Variants in CTNNA3 observed in about 807,000 individuals in gnomAD.
CTNNA3 encodes catenin alpha 3.
CTNNA3 carries 76 observed loss-of-function variants against 95.7 expected under a neutral mutation model. The ratio of observed to expected loss-of-function variants is 0.79; its 90% CI spans 0.66 to 0.96. CTNNA3 has a LOEUF of 0.96. Among genes scored for constraint, CTNNA3 ranks in the 40% least tolerant of loss-of-function variants. CTNNA3 has a pLI of 0.00. For missense variants in CTNNA3, 1,191 were observed against 1,089.8 expected, an observed-to-expected ratio of 1.09 and a Z score of -1.31; for synonymous variants, 431 against 374.4, an observed-to-expected ratio of 1.15 and a Z score of -1.74.
rs183290657 is a variant in CTNNA3, at chr10:66,559,986, A to G, written c.1375-39213T>C. On this transcript the variant is annotated intron_variant, in intron 10 of 17. Coordinates refer to ENST00000433211, the MANE Select transcript of CTNNA3 (RefSeq NM_013266.4). ...TGCTTAATCTGACGCTCAACACACA[A>G]TAGGCACGAAATAAAGACAAGTGGG... Among the ~76,000 whole-genome samples the G allele has an allele frequency of 1.2e-4, 18 of 152,210 alleles. 1 individual carries two copies. Among genetic ancestry groups the G allele is most frequent in the Admixed American group, 6.5e-5 (1 of 15,274 alleles).
chr10:67,437,475 C>T lies in CTNNA3; in HGVS notation c.579+84367G>A, dbSNP rs150197521. The stretch of plus-strand genomic sequence containing the variant: ...TGTACCCCAATAAATTTAATAAATA[C>T]CCCAATAAATTTAATAAATACCCCA... On this transcript the variant is annotated intron_variant, in intron 5 of 17. Transcript: ENST00000433211. Among the ~76,000 whole-genome samples, 583 of 151,616 alleles carry T rather than the reference C, an allele frequency of 3.8e-3. 5 individuals carry two copies. The highest frequency in any genetic ancestry group is 0.013 in the African/African-American group (542 of 41,304).
At chr10:66,437,678 C>T (rs1373113978) in intron 11 of CTNNA3, among the ~76,000 whole-genome samples, 1 of 152,064 alleles carries the variant, frequency 6.6e-6, no homozygotes. Context: ...TTTGTTATTA[C>T]CCACCTTCCG....
At chr10:67,185,284 C>T (rs541095394) in intron 6 of CTNNA3, among the ~76,000 whole-genome samples, 1 of 152,078 alleles carries the variant, frequency 6.6e-6, no homozygotes, top group East Asian at 1.9e-4. Flanking sequence ...CACGTCACCA[C>T]ATCCAGCTAA....
intron 5 of CTNNA3, among the ~76,000 whole-genome samples, chr10:67,453,777 A>G (rs2132970499): frequency 6.6e-6 from 1 of 152,346 alleles, no homozygotes; most frequent in East Asian, 1.9e-4. Context: ...CTGTCAAAAC[A>G]AAATTGTAAA....
At chr10:67,305,212 C>G (rs1272035256) in intron 5 of CTNNA3, among the ~76,000 whole-genome samples, 1 of 151,952 alleles carries the variant, frequency 6.6e-6, no homozygotes, top group Non-Finnish European at 1.5e-5. Flanking sequence ...GGAGGTGGAG[C>G]TTGCAGTGAG....
At chr10:67,015,910 C>A (rs992837384) in intron 7 of CTNNA3, among the ~76,000 whole-genome samples, 1 of 151,840 alleles carries the variant, frequency 6.6e-6, no homozygotes, top group South Asian at 2.1e-4. Flanking sequence ...TGTTTTCAAT[C>A]AAGTTTATTC....
intron 15 of CTNNA3, among the ~76,000 whole-genome samples, chr10:65,990,718 G>A (rs1014474561): frequency 6.6e-6 from 1 of 150,454 alleles, no homozygotes; most frequent in African/African-American, 2.4e-5. Flanking sequence ...TATTTAACAG[G>A]CTCTTTACTC....
intron 9 of CTNNA3, among the ~76,000 whole-genome samples, chr10:66,691,482 A>G (rs1847535496): frequency 1.3e-5 from 2 of 152,208 alleles, no homozygotes; most frequent in Non-Finnish European, 2.9e-5. Flanking sequence ...GGAGCCCACC[A>G]CAGCTCAAGG....
chr10:67,237,848 G>T (rs999970446), intron 5 of CTNNA3, among the ~76,000 whole-genome samples: 4 of 152,190 alleles, frequency 2.6e-5, no homozygotes, highest in Non-Finnish European at 5.9e-5. Context: ...GAGTGGATTG[G>T]AGAGAATGAA....
chr10:65,949,250 A>G (rs2077572035), intron 17 of CTNNA3, among the ~76,000 whole-genome samples: 1 of 152,210 alleles, frequency 6.6e-6, no homozygotes, highest in Non-Finnish European at 1.5e-5. Flanking sequence ...ATAAAGCCCA[A>G]ATTCACATTT....
At chr10:67,670,047 G>A (rs981046848) in intron 1 of CTNNA3, among the ~76,000 whole-genome samples, 1 of 152,144 alleles carries the variant, frequency 6.6e-6, no homozygotes, top group Non-Finnish European at 1.5e-5. Context: ...GGTATAGAAT[G>A]GTTAAAGATA....
At chr10:66,587,197 C>T (rs1481902374) in intron 10 of CTNNA3, among the ~76,000 whole-genome samples, 2 of 152,162 alleles carry the variant, frequency 1.3e-5, no homozygotes, top group African/African-American at 2.4e-5. Flanking sequence ...AGACTCAAGA[C>T]GTCCTATTTA....
chr10:67,606,066 T>C (rs1198197488), intron 3 of CTNNA3, among the ~76,000 whole-genome samples: 3 of 152,252 alleles, frequency 2.0e-5, no homozygotes, highest in Non-Finnish European at 2.9e-5. Flanking sequence ...AAAGGCTTCC[T>C]GATTTTCTTA....
intron 7 of CTNNA3, among the ~76,000 whole-genome samples, chr10:67,034,925 T>C (rs1244154287): frequency 2.6e-5 from 4 of 152,218 alleles, no homozygotes; most frequent in Non-Finnish European, 5.9e-5. Context: ...TGCTATTTCT[T>C]CTGGCCTTCT....
At chr10:67,687,210 C>T (rs898173549) in intron 1 of CTNNA3, among the ~76,000 whole-genome samples, 2 of 152,108 alleles carry the variant, frequency 1.3e-5, no homozygotes, top group African/African-American at 2.4e-5. Context: ...TAAACATACC[C>T]GGGGCTCAGT....
chr10:67,528,601 C>T (rs1840220689), intron 4 of CTNNA3, among the ~76,000 whole-genome samples: 1 of 152,180 alleles, frequency 6.6e-6, no homozygotes, highest in Non-Finnish European at 1.5e-5. Flanking sequence ...TTAACATACC[C>T]TCTCTTAATA....
At chr10:66,366,386 C>A (rs1453449761) in intron 12 of CTNNA3, among the ~76,000 whole-genome samples, 1 of 152,150 alleles carries the variant, frequency 6.6e-6, no homozygotes, top group Non-Finnish European at 1.5e-5. Flanking sequence ...TGCACAAATT[C>A]TATGCTATTG....
intron 11 of CTNNA3, among the ~76,000 whole-genome samples, chr10:66,450,695 A>G (rs2093457843): frequency 6.6e-6 from 1 of 152,102 alleles, no homozygotes; most frequent in Non-Finnish European, 1.5e-5. Flanking sequence ...AAATTGTGCT[A>G]AACTTTAGAC....
chr10:67,293,399 A>G (rs531188770), intron 5 of CTNNA3, among the ~76,000 whole-genome samples: 27 of 152,326 alleles, frequency 1.8e-4, no homozygotes, highest in African/African-American at 6.5e-4. Context: ...TATGGTATAC[A>G]ATTCCTTACT....
Sources: allele counts gnomAD v4.1 joint callset (sites outside exome capture counted in the v4.1 genomes callset), GRCh38; gene constraint gnomAD v4.1.1; transcripts MANE v1.5; gene names NCBI Gene and HGNC (gene_info 2026-07-23, HGNC 2026-07-21).